NIBAN2: variants seen among roughly 807,000 people sequenced by gnomAD.
The protein encoded by NIBAN2 is niban apoptosis regulator 2.
A neutral mutation model predicts 81.8 loss-of-function variants in NIBAN2; 36 were observed. That is an observed-to-expected ratio of 0.44 (90% CI 0.34 to 0.58). The LOEUF is 0.58. Ranked by LOEUF, NIBAN2 falls within the 20% of genes least tolerant of loss-of-function variation. The pLI, the probability that NIBAN2 is intolerant of heterozygous loss-of-function variation, is 0.02. For missense variants in NIBAN2, 897 were observed against 1,014.1 expected, an observed-to-expected ratio of 0.88 and a Z score of 1.57; for synonymous variants, 445 against 441.6, an observed-to-expected ratio of 1.01 and a Z score of -0.10.
rs1190754375 is a variant in NIBAN2, at chr9:127,507,200, T to C, written c.1886A>G (p.Glu629Gly). 6.2e-7 allele frequency: 1 copy of C among 1,613,080 alleles called. No homozygotes were observed. The highest frequency in any genetic ancestry group is 1.7e-5 in the Admixed American group (1 of 60,002). The change falls in exon 14 of 14, where the codon GAG (glutamate) becomes GGG (glycine). Residue 629 changes from glutamate (E) to glycine (G), a missense_variant. By Grantham distance (98) the Glu-to-Gly change is moderately conservative (BLOSUM62 -2). This residue lies in a region of NIBAN2 where 619 missense variants were observed against 691.0 expected (regional missense o/e 0.90). Coordinates refer to ENST00000373312, the MANE Select transcript of NIBAN2 (RefSeq NM_022833.4). The surrounding 1 kb of genome is among the most constrained non-coding windows in gnomAD (Gnocchi z 6.8). Reference protein sequence around the residue: ...AKQVVSVVQDEEVGLPFEASP... With the variant: ...AKQVVSVVQDGEVGLPFEASP... Reference sequence around the variant, plus strand: ...AGCCTCAAAGGGCAGCCCCACCTCCTCATCCTGGACCACAGAGACCACCTG... The same window carrying C: ...AGCCTCAAAGGGCAGCCCCACCTCCCCATCCTGGACCACAGAGACCACCTG...
rs761749243 is a variant in NIBAN2 at position 127,525,177 on chromosome 9, G to T, written c.316-14C>A. ...CCGCTCATAGGCCTGAGGGAGGCAA[G>T]AGAGAGGGTCCCTGAGGGTTAAGGT... On this transcript the variant is annotated splice_polypyrimidine_tract_variant and intron_variant, in intron 3 of 13. Coordinates refer to ENST00000373312, the MANE Select transcript of NIBAN2 (RefSeq NM_022833.4). 7.5e-6 allele frequency: 12 copies of T among 1,606,474 alleles called. No individual in the cohort carries two copies. In the East Asian group the frequency reaches 2.2e-4, roughly 30 times the overall value.
At position 127,508,575 on chromosome 9, in the gene NIBAN2, G is replaced by T; in HGVS notation, c.1318-37C>A. The T allele has an allele frequency of 6.5e-7, 1 of 1,548,076 alleles. No individual in the cohort carries two copies. On this transcript the variant is annotated intron_variant, in intron 10 of 13. Transcript: ENST00000373312. This position sits in a 1 kb window ranked among gnomAD's most constrained non-coding sequence, Gnocchi z 6.4. ...ACCGCGGACATGTGAAGCCCCCAGG[G>T]TGACCACAGCCCCTTCCTGGGTGCC...
Position 127,507,761 on chromosome 9 carries a change from C to G in NIBAN2, c.1654+106G>C. ...CTTCACCCAGACCCCAGGTGCAAGT[C>G]TGGGCTTTTCTTTGAGCCTTAGCTG... On this transcript the variant is annotated intron_variant, in intron 13 of 13. Coordinates refer to ENST00000373312, the MANE Select transcript of NIBAN2 (RefSeq NM_022833.4). The surrounding 1 kb of genome is among the most constrained non-coding windows in gnomAD (Gnocchi z 6.8). 9.6e-7 allele frequency: 1 copy of G among 1,036,502 alleles called. No homozygotes were observed. The allele number at this position is 1,036,502 out of a possible 1,614,324, so 64.2% of individuals were successfully genotyped here. A position where few individuals can be genotyped will look rare whatever the true frequency, so the allele number is the denominator to read the frequency against.
At chr9:127,523,655 AC>A in intron 5 of NIBAN2, 23 bp downstream of exon 5, 1 of 1,598,764 alleles carries the variant, frequency 6.3e-7, no homozygotes, top group Non-Finnish European at 8.6e-7. Context: ...CCTCCCACCG[AC>A]CCTGCACCCA....
At chr9:127,524,156 C>T (rs935726271) in intron 4 of NIBAN2, among the ~76,000 whole-genome samples, 1 of 152,282 alleles carries the variant, frequency 6.6e-6, no homozygotes, top group African/African-American at 2.4e-5. Context: ...AAGGTCAGAG[C>T]CCCCAGGTTC....
In NIBAN2 at chr9:127,531,762, G is replaced by C; in HGVS notation, c.72C>G (p.Ile24Met). Residue 24 changes from isoleucine to methionine, a missense_variant, in exon 2 of 14, where the codon ATC (isoleucine) becomes ATG (methionine). Ile to Met is a conservative substitution (Grantham distance 10, BLOSUM62 1). This residue lies in a region of NIBAN2 where 209 missense variants were observed against 208.4 expected (regional missense o/e 1.00). Coordinates refer to ENST00000373312, the MANE Select transcript of NIBAN2 (RefSeq NM_022833.4). ...CATAGAACTGGAGGAACTCCGTCAGGATCTTCCCGGTTTTTTCTGGAAGAG... is the reference window on the plus strand; with the variant it reads ...CATAGAACTGGAGGAACTCCGTCAGCATCTTCCCGGTTTTTTCTGGAAGAG... Reference protein sequence around the residue: ...RQHIAEKTGKILTEFLQFYED... With the variant: ...RQHIAEKTGKMLTEFLQFYED... The C allele has an allele frequency of 6.2e-7, 1 of 1,614,206 alleles. No individual in the cohort carries two copies. Among genetic ancestry groups the C allele is most frequent in the Non-Finnish European group, 8.5e-7 (1 of 1,180,032 alleles).
intron 5 of NIBAN2, among the ~76,000 whole-genome samples, chr9:127,523,193 AT>A (rs550293802): frequency 0.15 from 1,215 of 7,946 alleles, 367 homozygotes; most frequent in African/African-American, 0.26. Context: ...AAAAAAAAAA[AT>A]ATATATATAT....
intron 1 of NIBAN2, among the ~76,000 whole-genome samples, chr9:127,552,976 G>A (rs1837606268): frequency 6.6e-6 from 1 of 152,158 alleles, no homozygotes; most frequent in African/African-American, 2.4e-5. Flanking sequence ...ACAGGCATTA[G>A]CCTCCTTGCT....
chr9:127,568,992 T>C lies in NIBAN2; in HGVS notation c.-118A>G, dbSNP rs1588194478. ...GCCCTGCTTCCCCCGCTCCCGCCGC[T>C]CCCGCCGCTCCCGCCGCCCGGCTGC... On this transcript the variant is annotated 5_prime_UTR_variant, in exon 1 of 14. Transcript: ENST00000373312. 9.0e-7 allele frequency: 1 copy of C among 1,109,032 alleles called. No homozygotes were observed. Among genetic ancestry groups the C allele is most frequent in the Middle Eastern group, 3.9e-4 (1 of 2,592 alleles). 68.7% of individuals were successfully genotyped at this position (1,109,032 alleles called of 1,614,324 possible). A position where few individuals can be genotyped will look rare whatever the true frequency, so the allele number is the denominator to read the frequency against.
intron 1 of NIBAN2, among the ~76,000 whole-genome samples, chr9:127,557,165 G>C (rs1837686642): frequency 6.6e-6 from 1 of 152,166 alleles, no homozygotes; most frequent in Non-Finnish European, 1.5e-5. Context: ...GGAAGAGCCT[G>C]ATCCAGCCTA....
At chr9:127,571,126 G>C (rs1025903145), upstream of NIBAN2, among the ~76,000 whole-genome samples, 1 of 152,212 alleles carries the variant, frequency 6.6e-6, no homozygotes, top group African/African-American at 2.4e-5. Context: ...CCTAGGCCAG[G>C]GGGGTTAGAG....
chr9:127,511,555 G>A (rs1188850807), intron 8 of NIBAN2, among the ~76,000 whole-genome samples: 1 of 152,018 alleles, frequency 6.6e-6, no homozygotes, highest in African/African-American at 2.4e-5. Flanking sequence ...AATGATTTCA[G>A]AGAAATAGTG....
At chr9:127,551,770 C>T (rs558863621) in intron 1 of NIBAN2, among the ~76,000 whole-genome samples, 1 of 152,234 alleles carries the variant, frequency 6.6e-6, no homozygotes, top group African/African-American at 2.4e-5. Context: ...GTGTCATGCA[C>T]ATGGGAGCTG....
At chr9:127,562,183 G>A (rs1423316440) in intron 1 of NIBAN2, among the ~76,000 whole-genome samples, 2 of 152,166 alleles carry the variant, frequency 1.3e-5, no homozygotes, top group Admixed American at 6.5e-5. Context: ...ATTCCCACTC[G>A]GCTCCTCCTC....
Position 127,509,000 on chromosome 9 carries a change from C to A in NIBAN2, c.1293G>T (p.Gln431His). 1 of 1,613,920 alleles carries A rather than the reference C, an allele frequency of 6.2e-7. No homozygotes were observed. Among genetic ancestry groups the A allele is most frequent in the Middle Eastern group, 1.7e-4 (1 of 5,964 alleles). The change falls in exon 10 of 14, where the codon CAG (glutamine) becomes CAT (histidine). Residue 431 changes from glutamine (Q) to histidine (H), a missense_variant. By Grantham distance (24) the Gln-to-His change is conservative. Transcript: ENST00000373312. This position sits in a 1 kb window ranked among gnomAD's most constrained non-coding sequence, Gnocchi z 6.4. ...CCTCCCGCATGTGGATCTGGGCTCG[C>A]TGCTTGAACACGGACGTGCTGGACA... ...FDVSSTSVFKQRAQIHMREQM... is the reference protein window; with the variant it reads ...FDVSSTSVFKHRAQIHMREQM...
intron 8 of NIBAN2, among the ~76,000 whole-genome samples, chr9:127,514,700 G>A (rs1836793408): frequency 6.6e-6 from 1 of 152,144 alleles, no homozygotes; most frequent in African/African-American, 2.4e-5. Flanking sequence ...TTCTTCCTTT[G>A]GGTGGGGACC....
At position 127,562,791 on chromosome 9, in the gene NIBAN2, C is replaced by G. The variant is rs75404442; in HGVS notation, c.55+6029G>C. Among the ~76,000 whole-genome samples, 954 of 152,300 alleles carry G rather than the reference C, an allele frequency of 6.3e-3. 6 individuals are homozygous for G. The highest frequency in any genetic ancestry group is 0.021 in the African/African-American group (865 of 41,556). ...CTACAAACCAACATGTGAGAAACAACCTCATGTCCAGCATTAGGGAAAAAG... is the reference window on the plus strand; with the variant it reads ...CTACAAACCAACATGTGAGAAACAAGCTCATGTCCAGCATTAGGGAAAAAG... On this transcript the variant is annotated intron_variant, in intron 1 of 13. Transcript: ENST00000373312.
intron 2 of NIBAN2, 102 bp downstream of exon 2, chr9:127,531,546 A>G: frequency 1.7e-6 from 2 of 1,152,534 alleles, no homozygotes; most frequent in South Asian, 2.9e-5. Context: ...AGGCCATCAC[A>G]GTAACAATGG....
At position 127,531,709 on chromosome 9, in the gene NIBAN2, T is replaced by C. The variant is rs773811404; in HGVS notation, c.125A>G (p.Asn42Ser). 5.6e-6 allele frequency: 9 copies of C among 1,614,028 alleles called. No individual in the cohort carries two copies. In the South Asian group the frequency reaches 9.9e-5, roughly 18 times the overall value. Residue 42 changes from asparagine (N) to serine (S), a missense_variant, in exon 2 of 14, where the codon AAC becomes AGC. Asn to Ser is a conservative substitution (Grantham distance 46, BLOSUM62 1). Coordinates refer to ENST00000373312, the MANE Select transcript of NIBAN2 (RefSeq NM_022833.4). Reference sequence around the variant, plus strand: ...GCCCTCAATCTCATGGCGCATGCTGTTGAAGAGAGCCACGCCATACTGGTC... The same window carrying C: ...GCCCTCAATCTCATGGCGCATGCTGCTGAAGAGAGCCACGCCATACTGGTC... ...YEDQYGVALFNSMRHEIEGTG... is the reference protein window; with the variant it reads ...YEDQYGVALFSSMRHEIEGTG...
Sources: allele counts gnomAD v4.1 joint callset (sites outside exome capture counted in the v4.1 genomes callset), GRCh38; gene constraint gnomAD v4.1.1; regional missense constraint gnomAD v4.1.1; non-coding constraint Gnocchi (gnomAD v3.1); transcripts MANE v1.5; gene names NCBI Gene and HGNC (gene_info 2026-07-23, HGNC 2026-07-21).